Variants in GRIK2 observed in about 807,000 individuals in gnomAD.
GRIK2 encodes the protein glutamate receptor ionotropic, kainate 2.
Under a neutral mutation model 100.3 loss-of-function variants are expected in GRIK2, and 32 were observed. That is an observed-to-expected ratio of 0.32 (90% CI 0.24 to 0.43). The LOEUF (loss-of-function observed/expected upper bound fraction) is 0.43. Among genes scored for constraint, GRIK2 ranks in the 20% least tolerant of loss-of-function variants. The pLI is 1.00. For synonymous variants in GRIK2, 417 were observed against 389.4 expected, an observed-to-expected ratio of 1.07 and a Z score of -0.83; for missense variants, 843 against 1,114.9, an observed-to-expected ratio of 0.76 and a Z score of 3.47.
chr6:101,622,176 A>C lies in GRIK2; in HGVS notation c.283+60A>C, dbSNP rs1257603438. Reference sequence around the variant, plus strand: ...GAATTCAAATTTCTAGGTATTCTTAAGAGATTTTTTTATTTTTCAACATAC... The same window carrying C: ...GAATTCAAATTTCTAGGTATTCTTACGAGATTTTTTTATTTTTCAACATAC... On this transcript the variant is annotated intron_variant, in intron 3 of 16. Transcript: ENST00000369134. 1.9e-5 allele frequency: 20 copies of C among 1,036,936 alleles called. No individual in the cohort carries two copies. In the African/African-American group the frequency reaches 3.1e-4, roughly 16 times the overall value. The allele number at this position is 1,036,936 out of a possible 1,614,324, so 64.2% of individuals were successfully genotyped here.
chr6:101,646,115 C>G (rs990609681), intron 4 of GRIK2, among the ~76,000 whole-genome samples: 7 of 150,952 alleles, frequency 4.6e-5, no homozygotes, highest in African/African-American at 2.5e-5. Flanking sequence ...GTAAGCTGTT[C>G]CACAAGGGCA....
chr6:101,984,440 G>T (rs17062729), intron 14 of GRIK2, among the ~76,000 whole-genome samples: 17,049 of 151,426 alleles, frequency 0.11, 2,681 homozygotes, highest in African/African-American at 0.35. Context: ...TAGCATCCCC[G>T]TTGACTGGAA....
At chr6:101,642,620 A>G (rs529916662) in intron 4 of GRIK2, among the ~76,000 whole-genome samples, 4 of 151,726 alleles carry the variant, frequency 2.6e-5, no homozygotes, top group Non-Finnish European at 5.9e-5. Context: ...TGTATGTGTC[A>G]CATATTATTC....
chr6:101,812,806 A>G (rs1583196547), intron 9 of GRIK2, among the ~76,000 whole-genome samples: 1 of 152,186 alleles, frequency 6.6e-6, no homozygotes, highest in East Asian at 1.9e-4. Context: ...TTGAAACAGT[A>G]ATTAAGATAC....
intron 2 of GRIK2, among the ~76,000 whole-genome samples, chr6:101,573,590 T>C (rs746538613): frequency 7.2e-5 from 11 of 152,220 alleles, no homozygotes; most frequent in Non-Finnish European, 1.3e-4. Context: ...TATTCATTTC[T>C]AAATCTCTGG....
At chr6:102,042,636 A>G (rs1770651948) in intron 15 of GRIK2, among the ~76,000 whole-genome samples, 1 of 151,714 alleles carries the variant, frequency 6.6e-6, no homozygotes, top group African/African-American at 2.4e-5. Context: ...ATGATTTAAT[A>G]TAAAATGGTC....
At chr6:101,857,969 G>A (rs962510354) in intron 10 of GRIK2, among the ~76,000 whole-genome samples, 13 of 152,196 alleles carry the variant, frequency 8.5e-5, no homozygotes, top group South Asian at 2.1e-4. Context: ...TGGTCTCAGG[G>A]CTTTTTACCA....
intron 4 of GRIK2, among the ~76,000 whole-genome samples, chr6:101,667,285 T>C (rs1461136193): frequency 6.6e-6 from 1 of 152,096 alleles, no homozygotes; most frequent in African/African-American, 2.4e-5. Context: ...ATTTCTGGTA[T>C]GGAAGTTTAC....
At chr6:101,857,634 G>C (rs184998687) in intron 10 of GRIK2, among the ~76,000 whole-genome samples, 2 of 152,288 alleles carry the variant, frequency 1.3e-5, no homozygotes, top group Non-Finnish European at 2.9e-5. Flanking sequence ...CTCTGTAATA[G>C]CTTCCTCTAA....
intron 2 of GRIK2, among the ~76,000 whole-genome samples, chr6:101,550,147 C>A (rs1776435682): frequency 6.6e-6 from 1 of 152,166 alleles, no homozygotes. Flanking sequence ...TTTTTACTAG[C>A]AGGAGAATAG....
At chr6:101,491,204 C>A (rs1773086162) in intron 2 of GRIK2, among the ~76,000 whole-genome samples, 1 of 151,488 alleles carries the variant, frequency 6.6e-6, no homozygotes, top group African/African-American at 2.4e-5. Context: ...AAGTAAAACG[C>A]CTGTCTGTAC....
At chr6:101,804,126 G>A (rs1395344209) in intron 9 of GRIK2, among the ~76,000 whole-genome samples, 2 of 151,802 alleles carry the variant, frequency 1.3e-5, no homozygotes, top group Non-Finnish European at 2.9e-5. Context: ...TCTGATAAAA[G>A]ATATAATTAA....
At chr6:101,554,815 A>G (rs1206616577) in intron 2 of GRIK2, among the ~76,000 whole-genome samples, 1 of 151,986 alleles carries the variant, frequency 6.6e-6, no homozygotes, top group Non-Finnish European at 1.5e-5. Flanking sequence ...CCTGCGCATA[A>G]GAAGGATGCT....
chr6:102,043,719 C>T (rs766599493), intron 15 of GRIK2, among the ~76,000 whole-genome samples: 9 of 95,290 alleles, frequency 9.4e-5, no homozygotes, highest in Non-Finnish European at 1.5e-4. Flanking sequence ...CAATGAGTAA[C>T]GGAATGTGCA....
chr6:102,043,873 G>A lies in GRIK2; in HGVS notation c.2311+8307G>A, dbSNP rs73759003. ...CCTTTTCTCCACATCCTGATCTGAT[G>A]GTTTTATAAGGAGTTTTCACTTTTA... is the stretch of plus-strand genomic sequence containing the variant. On this transcript the variant is annotated intron_variant, in intron 15 of 16. Coordinates refer to ENST00000369134, the MANE Select transcript of GRIK2 (RefSeq NM_021956.5). 4.5e-3 allele frequency among the ~76,000 whole-genome samples: 464 copies of A among 102,368 alleles called. 2 individuals carry two copies. Among genetic ancestry groups the A allele is most frequent in the African/African-American group, 0.014 (450 of 31,828 alleles). The allele number at this position is 102,368 out of a possible 152,430, so 67.2% of individuals were successfully genotyped here.
rs201969577 is a variant in GRIK2 at position 101,626,954 on chromosome 6, G to GTACACA, written c.541+330_541+335dup. Reference sequence around the variant, plus strand: ...GATAGATAGATAGATACACACACACGTACACATACACATACACACACACAT... The same window carrying GTACACA: ...GATAGATAGATAGATACACACACACGTACACATACACATACACATACACACACACAT... On this transcript the variant is annotated intron_variant, in intron 4 of 16. Transcript: ENST00000369134. 6.6e-5 allele frequency among the ~76,000 whole-genome samples: 10 copies of GTACACA among 151,420 alleles called. No homozygotes were observed. In the East Asian group the frequency reaches 1.9e-3, roughly 29 times the overall value.
intron 16 of GRIK2, among the ~76,000 whole-genome samples, chr6:102,061,924 T>C (rs1289855016): frequency 6.7e-6 from 1 of 150,358 alleles, no homozygotes; most frequent in Non-Finnish European, 1.5e-5. Flanking sequence ...TTAAAAAAAA[T>C]CGTATCATTA....
chr6:101,630,838 A>G (rs1780703719), intron 4 of GRIK2, among the ~76,000 whole-genome samples: 1 of 151,356 alleles, frequency 6.6e-6, no homozygotes, highest in Non-Finnish European at 1.5e-5. Flanking sequence ...ACTGCAAAAC[A>G]CACATGTGCT....
At chr6:101,501,333 A>T (rs1015368075) in intron 2 of GRIK2, among the ~76,000 whole-genome samples, 2 of 152,196 alleles carry the variant, frequency 1.3e-5, no homozygotes, top group African/African-American at 2.4e-5. Flanking sequence ...ATTTTTCTAT[A>T]CTATGTTATT....
Sources: gnomAD v4.1 joint callset for allele counts (sites outside exome capture counted in the v4.1 genomes callset) on GRCh38, gnomAD v4.1.1 for gene constraint, MANE v1.5 for transcripts, NCBI Gene and HGNC (gene_info 2026-07-23, HGNC 2026-07-21) for gene names.